RBMS3: variants seen among roughly 807,000 people sequenced by gnomAD.
The protein encoded by RBMS3 is RNA-binding motif, single-stranded-interacting protein 3.
In RBMS3, 27 loss-of-function variants were observed where a neutral mutation model predicts 66.8. The ratio of observed to expected loss-of-function variants is 0.40; its 90% CI spans 0.30 to 0.56. The LOEUF (loss-of-function observed/expected upper bound fraction) is 0.56. Ranked by LOEUF, RBMS3 falls within the 20% of genes least tolerant of loss-of-function variation. The probability of loss-of-function intolerance (pLI) is 0.40; values close to 1 mark genes in which losing one functional copy is unlikely to be tolerated. For missense variants in RBMS3, 513 were observed against 549.5 expected (o/e 0.93, Z 0.66); for synonymous variants, 188 against 183.0 (o/e 1.03, Z -0.22).
intron 14 of RBMS3, among the ~76,000 whole-genome samples, chr3:29,993,851 A>T (rs1422240807): frequency 6.6e-6 from 1 of 152,180 alleles, no homozygotes; most frequent in African/African-American, 2.4e-5. Flanking sequence ...ATCATTGTAG[A>T]TCATGGGACT....
At chr3:29,368,667 T>G (rs1172634427) in intron 1 of RBMS3, among the ~76,000 whole-genome samples, 2 of 152,152 alleles carry the variant, frequency 1.3e-5, no homozygotes, top group Non-Finnish European at 2.9e-5. Flanking sequence ...ATTAGTCTTT[T>G]TTTAAAAATC....
At chr3:29,894,555 C>G (rs2060081566) in intron 8 of RBMS3, among the ~76,000 whole-genome samples, 1 of 151,474 alleles carries the variant, frequency 6.6e-6, no homozygotes, top group South Asian at 2.1e-4. Context: ...AATCCTATTT[C>G]ATTAAGGCCC....
chr3:29,551,971 T>G (rs1006600427), intron 3 of RBMS3, among the ~76,000 whole-genome samples: 2 of 151,256 alleles, frequency 1.3e-5, no homozygotes, highest in Non-Finnish European at 2.9e-5. Context: ...ATATTTGCAG[T>G]CTTCACAAAT....
intron 1 of RBMS3, among the ~76,000 whole-genome samples, chr3:29,375,901 G>A (rs780338835): frequency 3.3e-5 from 5 of 152,054 alleles, no homozygotes; most frequent in African/African-American, 7.2e-5. Flanking sequence ...ATGCACGTGC[G>A]TGCTCATTGT....
chr3:29,790,761 G>A (rs1294849085), intron 6 of RBMS3, among the ~76,000 whole-genome samples: 4 of 151,970 alleles, frequency 2.6e-5, no homozygotes, highest in South Asian at 4.1e-4. Flanking sequence ...GTCAGTTATC[G>A]GGATTTTGAA....
intron 3 of RBMS3, among the ~76,000 whole-genome samples, chr3:29,547,513 T>A (rs898187566): frequency 6.6e-6 from 1 of 151,810 alleles, no homozygotes; most frequent in Non-Finnish European, 1.5e-5. Flanking sequence ...TAAGCTCCAT[T>A]AGGAAAGACA....
chr3:29,402,862 G>GAT (rs1478354167), intron 1 of RBMS3, among the ~76,000 whole-genome samples: 1 of 151,978 alleles, frequency 6.6e-6, no homozygotes, highest in East Asian at 1.9e-4. Context: ...GGGCTAGGAT[G>GAT]ATAAACTGGA....
intron 10 of RBMS3, among the ~76,000 whole-genome samples, chr3:29,921,060 T>C (rs548963806): frequency 1.3e-5 from 2 of 152,188 alleles, no homozygotes; most frequent in South Asian, 4.2e-4. Context: ...CTTTTTGTTT[T>C]GGTTTGCTGT....
intron 6 of RBMS3, among the ~76,000 whole-genome samples, chr3:29,833,457 G>A (rs538208271): frequency 2.0e-5 from 3 of 151,998 alleles, no homozygotes; most frequent in Admixed American, 6.6e-5. Flanking sequence ...AAAAATACAC[G>A]AGCAAAATAA....
intron 6 of RBMS3, among the ~76,000 whole-genome samples, chr3:29,835,611 T>C (rs2058485006): frequency 6.6e-6 from 1 of 151,648 alleles, no homozygotes; most frequent in Non-Finnish European, 1.5e-5. Context: ...CAAAAACACA[T>C]GGGATGCAGC....
At chr3:29,852,582 A>C (rs1383569929) in intron 6 of RBMS3, among the ~76,000 whole-genome samples, 1 of 152,376 alleles carries the variant, frequency 6.6e-6, no homozygotes, top group Non-Finnish European at 1.5e-5. Flanking sequence ...ACTGATCTTT[A>C]GAGAAATGCA....
intron 7 of RBMS3, chr3:29,880,938 GT>G: frequency 7.4e-6 from 8 of 1,074,726 alleles, no homozygotes; most frequent in Non-Finnish European, 1.1e-5. Flanking sequence ...TTTACCCTCT[GT>G]TTTCCAGGGA....
At chr3:29,584,790 T>G (rs2047454574) in intron 3 of RBMS3, among the ~76,000 whole-genome samples, 1 of 152,108 alleles carries the variant, frequency 6.6e-6, no homozygotes. Context: ...CATTTCACCC[T>G]ATTTCATTGC....
At chr3:29,788,683 C>A (rs1444900361) in intron 6 of RBMS3, among the ~76,000 whole-genome samples, 3 of 151,794 alleles carry the variant, frequency 2.0e-5, no homozygotes, top group African/African-American at 7.3e-5. Flanking sequence ...TTATTGTGAA[C>A]AATATAAAAA....
intron 1 of RBMS3, among the ~76,000 whole-genome samples, chr3:29,301,383 T>G (rs1286989436): frequency 6.6e-6 from 1 of 152,016 alleles, no homozygotes; most frequent in Non-Finnish European, 1.5e-5. Flanking sequence ...AGGAAATAAT[T>G]CGTAACTAAC....
intron 2 of RBMS3, among the ~76,000 whole-genome samples, chr3:29,472,291 C>T (rs1458893337): frequency 1.3e-5 from 2 of 151,676 alleles, no homozygotes; most frequent in African/African-American, 4.8e-5. Context: ...TCCACTTCCC[C>T]GGTTCAAGCG....
intron 6 of RBMS3, among the ~76,000 whole-genome samples, chr3:29,817,107 A>G (rs890640324): frequency 6.6e-6 from 1 of 152,104 alleles, no homozygotes; most frequent in African/African-American, 2.4e-5. Flanking sequence ...TAAATAAGGA[A>G]AAAAGTATAT....
chr3:29,628,488 T>TA (rs1184774912), intron 4 of RBMS3, among the ~76,000 whole-genome samples: 3 of 152,112 alleles, frequency 2.0e-5, no homozygotes, highest in Non-Finnish European at 4.4e-5. Flanking sequence ...ATCCAACTCT[T>TA]ATGACTACAG....
At chr3:29,929,590 T>TA (rs1327515943) in intron 10 of RBMS3, among the ~76,000 whole-genome samples, 6 of 103,420 alleles carry the variant, frequency 5.8e-5, no homozygotes, top group South Asian at 3.4e-4. Flanking sequence ...TATTATAACT[T>TA]TAAAAAAAAA....
Sources: allele counts gnomAD v4.1 joint callset (sites outside exome capture counted in the v4.1 genomes callset), GRCh38; gene constraint gnomAD v4.1.1; transcripts MANE v1.5; gene names NCBI Gene and HGNC (gene_info 2026-07-23, HGNC 2026-07-21).